The following CCDC73 variants were observed in gnomAD, a reference collection of about 807,000 sequenced individuals.
CCDC73 encodes the protein coiled-coil domain-containing protein 73.
Under a neutral mutation model 116.5 loss-of-function variants are expected in CCDC73, and 95 were observed. The ratio of observed to expected loss-of-function variants is 0.82; its 90% CI spans 0.69 to 0.97. The LOEUF (loss-of-function observed/expected upper bound fraction) is 0.97. Ranked by LOEUF, CCDC73 falls within the 50% of genes least tolerant of loss-of-function variation. The pLI, the probability that CCDC73 is intolerant of heterozygous loss-of-function variation, is 0.00. For synonymous variants in CCDC73, 398 were observed against 401.3 expected (o/e 0.99, Z 0.10); for missense variants, 1,066 against 1,206.8 (o/e 0.88, Z 1.73).
intron 17 of CCDC73, among the ~76,000 whole-genome samples, chr11:32,609,052 G>A (rs1565054833): frequency 6.6e-6 from 1 of 152,158 alleles, no homozygotes; most frequent in Non-Finnish European, 1.5e-5. Context: ...AAGGGCTGCC[G>A]TGAAGACCTC....
intron 9 of CCDC73, among the ~76,000 whole-genome samples, chr11:32,669,780 C>A (rs988845543): frequency 2.6e-5 from 4 of 152,162 alleles, no homozygotes; most frequent in Non-Finnish European, 4.4e-5. Context: ...CATGTTTTTG[C>A]AAATGACAGT....
At chr11:32,732,982 T>C (rs1565087672) in intron 2 of CCDC73, among the ~76,000 whole-genome samples, 1 of 152,040 alleles carries the variant, frequency 6.6e-6, no homozygotes, top group Non-Finnish European at 1.5e-5. Flanking sequence ...GCAAATTGGA[T>C]AAAGAGTCAA....
intron 12 of CCDC73, among the ~76,000 whole-genome samples, chr11:32,646,806 C>T (rs916976055): frequency 3.3e-5 from 5 of 152,158 alleles, no homozygotes; most frequent in African/African-American, 1.2e-4. Flanking sequence ...ACTCACCAGA[C>T]ATCTTGAACT....
At chr11:32,624,095 G>T (rs532969499) in intron 14 of CCDC73, among the ~76,000 whole-genome samples, 1 of 151,956 alleles carries the variant, frequency 6.6e-6, no homozygotes, top group African/African-American at 2.4e-5. Context: ...CCAGCATTTT[G>T]GGAGGCTGTG....
At chr11:32,740,854 A>T (rs1850177384) in intron 2 of CCDC73, among the ~76,000 whole-genome samples, 1 of 151,904 alleles carries the variant, frequency 6.6e-6, no homozygotes, top group Non-Finnish European at 1.5e-5. Context: ...TGTATCCCAT[A>T]GGTTTTGGTA....
chr11:32,605,386 A>G (rs1413251429), intron 17 of CCDC73: 1 of 152,102 alleles, frequency 6.6e-6, no homozygotes, highest in African/African-American at 2.4e-5. Flanking sequence ...AGGACTGCTA[A>G]GAGAACCTAG....
intron 3 of CCDC73, among the ~76,000 whole-genome samples, chr11:32,711,921 C>A (rs577805364): frequency 6.6e-6 from 1 of 152,272 alleles, no homozygotes; most frequent in South Asian, 2.1e-4. Context: ...ACAGTCTTCC[C>A]TTAGACCTAG....
rs1464554574 is a variant in CCDC73 at position 32,648,253 on chromosome 11, T to C, written c.939+4870A>G. Among the ~76,000 whole-genome samples the C allele has an allele frequency of 3.9e-5, 6 of 152,366 alleles. No homozygotes were observed. The East Asian group carries it at 1.2e-3, about 29-fold the overall frequency. ...ACTTCTTCTCTTGTGCTAAGTAAAT[T>C]ACCATTGTCCATCTGGTTCCCACTT... On this transcript the variant is annotated intron_variant, in intron 12 of 17. Transcript: ENST00000335185.
chr11:32,777,328 C>T (rs980125118), intron 1 of CCDC73, among the ~76,000 whole-genome samples: 5 of 152,030 alleles, frequency 3.3e-5, no homozygotes, highest in Non-Finnish European at 5.9e-5. Flanking sequence ...TGGTCTTGAA[C>T]TCCTGACCTC....
rs1357089524 is a variant in CCDC73 at position 32,630,050 on chromosome 11, A to G, written c.1185+5646T>C. Among the ~76,000 whole-genome samples, 10 of 152,072 alleles carry G rather than the reference A, an allele frequency of 6.6e-5. No individual in the cohort carries two copies. The East Asian group carries it at 1.7e-3, about 26-fold the overall frequency. On this transcript the variant is annotated intron_variant, in intron 14 of 17. Transcript: ENST00000335185. ...AAGTGGTAAATGTGGTGGTGAATAG[A>G]AAAGATACTTTATCTCATTTTTAAT...
At chr11:32,696,371 A>C (rs1451388196) in intron 6 of CCDC73, among the ~76,000 whole-genome samples, 1 of 152,170 alleles carries the variant, frequency 6.6e-6, no homozygotes, top group Non-Finnish European at 1.5e-5. Context: ...TACTTGAATA[A>C]CTATTTTATT....
chr11:32,608,892 ATGGCCCAAGC>A (rs1855387816), intron 17 of CCDC73, among the ~76,000 whole-genome samples: 1 of 152,180 alleles, frequency 6.6e-6, no homozygotes, highest in African/African-American at 2.4e-5. Flanking sequence ...CTCTGAAGCA[ATGGCCCAAGC>A]TGTGACTTGG....
intron 13 of CCDC73, among the ~76,000 whole-genome samples, chr11:32,639,644 TCAC>T (rs1855714836): frequency 6.6e-6 from 1 of 152,012 alleles, no homozygotes; most frequent in Non-Finnish European, 1.5e-5. Context: ...AGACAGGGTT[TCAC>T]CATCCTGGCC....
intron 9 of CCDC73, among the ~76,000 whole-genome samples, chr11:32,668,652 G>T (rs1007455356): frequency 6.6e-6 from 1 of 152,144 alleles, no homozygotes; most frequent in Admixed American, 6.5e-5. Flanking sequence ...GTATGTGTAA[G>T]TATAGTGACA....
At chr11:32,664,108 C>T (rs1215702418) in intron 9 of CCDC73, among the ~76,000 whole-genome samples, 1 of 152,096 alleles carries the variant, frequency 6.6e-6, no homozygotes, top group Non-Finnish European at 1.5e-5. Flanking sequence ...ATTTTTGCAT[C>T]GATGTTCATT....
chr11:32,632,877 T>A (rs1197942113), intron 14 of CCDC73, among the ~76,000 whole-genome samples: 1 of 152,148 alleles, frequency 6.6e-6, no homozygotes, highest in Non-Finnish European at 1.5e-5. Context: ...TTTAAGTGCT[T>A]ATATTAGAAA....
At chr11:32,766,458 G>T (rs1166101119) in intron 1 of CCDC73, among the ~76,000 whole-genome samples, 5 of 152,140 alleles carry the variant, frequency 3.3e-5, no homozygotes, top group Admixed American at 1.3e-4. Flanking sequence ...TTCTGGCCAG[G>T]GCAATCAGGC....
intron 9 of CCDC73, among the ~76,000 whole-genome samples, chr11:32,655,893 C>A (rs1855867185): frequency 6.6e-6 from 1 of 152,122 alleles, no homozygotes; most frequent in Admixed American, 6.5e-5. Flanking sequence ...ACATTAAAAT[C>A]TTGAAATACC....
At chr11:32,703,660 G>C (rs1031816717) in intron 3 of CCDC73, among the ~76,000 whole-genome samples, 1 of 152,088 alleles carries the variant, frequency 6.6e-6, no homozygotes, top group Non-Finnish European at 1.5e-5. Flanking sequence ...AAGCAGAAAT[G>C]CTTACCTGGC....
Sources: gnomAD v4.1 joint callset for allele counts (sites outside exome capture counted in the v4.1 genomes callset) on GRCh38, gnomAD v4.1.1 for gene constraint, MANE v1.5 for transcripts, NCBI Gene and HGNC (gene_info 2026-07-23, HGNC 2026-07-21) for gene names.